The following MADD variants were observed in gnomAD, a reference collection of about 807,000 sequenced individuals.
MADD encodes MAP kinase activating death domain.
A neutral mutation model predicts 176.7 loss-of-function variants in MADD; 109 were observed. The ratio of observed to expected loss-of-function variants is 0.62; its 90% CI spans 0.53 to 0.72. The LOEUF (loss-of-function observed/expected upper bound fraction) is 0.72. MADD is among the 30% of genes least tolerant of loss of function. The probability of loss-of-function intolerance (pLI) is 0.00; values close to 1 mark genes in which losing one functional copy is unlikely to be tolerated. For missense variants in MADD, 1,914 were observed against 2,045.5 expected, an observed-to-expected ratio of 0.94 and a Z score of 1.24; for synonymous variants, 771 against 771.3, an observed-to-expected ratio of 1.00 and a Z score of 0.01.
exon 33 of MADD, chr11:47,329,350 C>G: frequency 1.7e-6 from 1 of 586,128 alleles, no homozygotes; most frequent in Non-Finnish European, 3.1e-6. Flanking sequence ...CCTCTCCACT[C>G]CCAGAAGACC....
chr11:47,288,939 AC>A, intron 15 of MADD, 28 bp from the exon 16 acceptor site: 1 of 1,543,168 alleles, frequency 6.5e-7, no homozygotes, highest in Non-Finnish European at 8.8e-7. Context: ...ATTGTGGTAC[AC>A]CTACTAATTG....
chr11:47,293,404 C>T (rs1253935251), intron 19 of MADD, among the ~76,000 whole-genome samples: 1 of 151,562 alleles, frequency 6.6e-6, no homozygotes. Context: ...AGGGCTCAAG[C>T]AATTGTCGTG....
In MADD at chr11:47,325,881, T is replaced by G. The variant is rs537030419; in HGVS notation, c.4543-857T>G. ...AAGGCTTGGCCCCTAGAAGATAGAC[T>G]GCAGAGAAGGGGAGGAAAGCCCGGG... On this transcript the variant is annotated intron_variant, in intron 30 of 32. Transcript: ENST00000402192. This position sits in a 1 kb window ranked among gnomAD's most constrained non-coding sequence, Gnocchi z 4.5. Among the ~76,000 whole-genome samples, 1 of 152,340 alleles carries G rather than the reference T, an allele frequency of 6.6e-6. No individual in the cohort carries two copies. The highest frequency in any genetic ancestry group is 2.4e-5 in the African/African-American group (1 of 41,568).
chr11:47,304,751 T>C (rs545329133), intron 22 of MADD, among the ~76,000 whole-genome samples: 17 of 152,354 alleles, frequency 1.1e-4, no homozygotes, highest in African/African-American at 3.1e-4. Flanking sequence ...TTCCTTTTCA[T>C]TGGGGTCTAT....
rs2095408715 is a variant in MADD, at chr11:47,325,924, CAGTT to C, written c.4543-810_4543-807del. 6.6e-6 allele frequency among the ~76,000 whole-genome samples: 1 copy of C among 152,232 alleles called. No individual in the cohort carries two copies. The highest frequency in any genetic ancestry group is 2.4e-5 in the African/African-American group (1 of 41,458). On this transcript the variant is annotated intron_variant, in intron 30 of 32. Transcript: ENST00000402192. The surrounding 1 kb of genome is among the most constrained non-coding windows in gnomAD (Gnocchi z 4.5). ...AGCCCGGGTTCTCAATCTCACCTCA[CAGTT>C]AGTAATGAGATAGCGACCTGCCCCC...
In MADD at chr11:47,274,550, T is replaced by C. The variant is rs749636274; in HGVS notation, c.63-13T>C. The C allele has an allele frequency of 6.9e-6, 11 of 1,595,824 alleles. No homozygotes were observed. In the South Asian group the frequency reaches 7.7e-5, roughly 11 times the overall value. On this transcript the variant is annotated splice_polypyrimidine_tract_variant and intron_variant, in intron 2 of 32. Coordinates refer to ENST00000402192, the Ensembl canonical transcript of MADD. ...TCCCTTCAGGCTGCTGAATTTGTCT[T>C]TATGTTCTTCAGGCACCCGAGCAGT... is the stretch of plus-strand genomic sequence containing the variant.
chr11:47,302,939 T>C (rs866139890), intron 22 of MADD, among the ~76,000 whole-genome samples: 4 of 152,354 alleles, frequency 2.6e-5, no homozygotes, highest in Middle Eastern at 3.4e-3. Flanking sequence ...TTCATACTTT[T>C]GTGTATTTTC....
rs1156849572 is a variant in MADD at position 47,270,497 on chromosome 11, C to CGGGGCG, written c.-89+268_-89+273dup. Reference sequence around the variant, plus strand: ...CGAGCGGGCGGCTCGGGTTCAGGTTCGGGGCGGGGGCGGGGGCGGGGGAGA... The same window carrying CGGGGCG: ...CGAGCGGGCGGCTCGGGTTCAGGTTCGGGGCGGGGGCGGGGGCGGGGGCGGGGGAGA... On this transcript the variant is annotated intron_variant, in intron 1 of 32. Coordinates refer to ENST00000402192, the Ensembl canonical transcript of MADD. 4.4e-3 allele frequency among the ~76,000 whole-genome samples: 38 copies of CGGGGCG among 8,726 alleles called. No homozygotes were observed. The Admixed American group carries it at 0.046, about 10-fold the overall frequency. 5.7% of individuals were successfully genotyped at this position (8,726 alleles called of 152,430 possible).
rs763098390 is a variant in MADD, at chr11:47,281,754, G to C, written c.1469+1G>C. On this transcript the variant is annotated splice_donor_variant, in intron 8 of 32. Transcript: ENST00000402192. LOFTEE classifies it high-confidence loss of function. ...TGGATTCTGTGGATGTTGCAACCAG[G>C]TAAGACCAAGCCGACTGTATAATCA... is the stretch of plus-strand genomic sequence containing the variant. 1 of 1,591,418 alleles carries C rather than the reference G, an allele frequency of 6.3e-7. No homozygotes were observed. Among genetic ancestry groups the C allele is most frequent in the Non-Finnish European group, 8.6e-7 (1 of 1,163,644 alleles).
At chr11:47,323,092 G>A (rs1421445181) in intron 27 of MADD, among the ~76,000 whole-genome samples, 2 of 152,126 alleles carry the variant, frequency 1.3e-5, no homozygotes, top group African/African-American at 2.4e-5. Flanking sequence ...ACAAAAATTA[G>A]CTGAGCATGG....
chr11:47,286,526 G>C, exon 15 of MADD: 1 of 1,612,744 alleles, frequency 6.2e-7, no homozygotes, highest in Non-Finnish European at 8.5e-7. Flanking sequence ...CCCTTCCCCA[G>C]TCTGAAAGGT....
At chr11:47,290,369 A>T (rs2064110037) in intron 18 of MADD, 70 bp downstream of exon 19, 1 of 1,565,650 alleles carries the variant, frequency 6.4e-7, no homozygotes, top group Non-Finnish European at 8.7e-7. Context: ...GAGAAAATAT[A>T]TGTGTACCCA....
chr11:47,328,914 T>A (rs1365981364), intron 32 of MADD, 132 bp from the exon 37 acceptor site: 1 of 986,902 alleles, frequency 1.0e-6, no homozygotes, highest in East Asian at 2.4e-5. Flanking sequence ...GACAGCTTCC[T>A]TGCTTGGAGC....
chr11:47,270,513 GC>G (rs1282090768), intron 1 of MADD: 1 of 143,378 alleles, frequency 7.0e-6, no homozygotes, highest in African/African-American at 2.5e-5. Flanking sequence ...GGGGGCGGGG[GC>G]GGGGGAGAAC....
At chr11:47,288,937 A>G (rs376889813) in intron 15 of MADD, 31 bp from the exon 16 acceptor site, 113 of 1,535,272 alleles carry the variant, frequency 7.4e-5, no homozygotes, top group Non-Finnish European at 9.7e-5. Context: ...GTATTGTGGT[A>G]CACCTACTAA....
At chr11:47,288,022 T>G (rs1033906120) in intron 15 of MADD, among the ~76,000 whole-genome samples, 16 of 150,996 alleles carry the variant, frequency 1.1e-4, no homozygotes, top group Admixed American at 2.0e-4. Context: ...CTCCTGACCT[T>G]GTGATCTACC....
chr11:47,281,505 C>T (rs1488121681), intron 7 of MADD, 70 bp from the exon 8 acceptor site: 5 of 1,321,866 alleles, frequency 3.8e-6, no homozygotes, highest in Non-Finnish European at 5.1e-6. Context: ...AAGGCCTTTT[C>T]CTTGGAGTTA....
intron 15 of MADD, among the ~76,000 whole-genome samples, chr11:47,286,958 C>A (rs1592542141): frequency 6.6e-6 from 1 of 152,182 alleles, no homozygotes; most frequent in Non-Finnish European, 1.5e-5. Context: ...ACCTCTCACG[C>A]ACTCATAAGC....
At chr11:47,272,815 T>C (rs968963373) in intron 1 of MADD, among the ~76,000 whole-genome samples, 5 of 152,178 alleles carry the variant, frequency 3.3e-5, no homozygotes, top group African/African-American at 1.2e-4. Context: ...CTGTAATGTA[T>C]AGTAGGACAA....
Sources: allele counts gnomAD v4.1 joint callset (sites outside exome capture counted in the v4.1 genomes callset), GRCh38; gene constraint gnomAD v4.1.1; non-coding constraint Gnocchi (gnomAD v3.1); transcripts MANE v1.5; gene names NCBI Gene and HGNC (gene_info 2026-07-23, HGNC 2026-07-21).